Variants in FBXO10 observed in about 807,000 individuals in gnomAD.
The protein encoded by FBXO10 is F-box only protein 10.
FBXO10 carries 39 observed loss-of-function variants against 80.7 expected under a neutral mutation model. That is an observed-to-expected ratio of 0.48 (90% CI 0.37 to 0.63). The LOEUF (loss-of-function observed/expected upper bound fraction) is 0.63, where lower values mean the gene tolerates loss of function less well. FBXO10 is among the 30% of genes least tolerant of loss of function. FBXO10 has a pLI of 0.00. For missense variants in FBXO10, 1,025 were observed against 1,269.0 expected (o/e 0.81, Z 2.92); for synonymous variants, 449 against 489.6 (o/e 0.92, Z 1.09).
intron 1 of FBXO10, among the ~76,000 whole-genome samples, chr9:37,546,612 A>T (rs1158968982): frequency 6.6e-6 from 1 of 152,190 alleles, no homozygotes; most frequent in Non-Finnish European, 1.5e-5. Context: ...AGTTGCTGAT[A>T]GTTTAATAAG....
chr9:37,514,490 A>G (rs1438396491), intron 10 of FBXO10, among the ~76,000 whole-genome samples: 2 of 152,084 alleles, frequency 1.3e-5, no homozygotes, highest in Non-Finnish European at 2.9e-5. Flanking sequence ...TATTTTGGGG[A>G]TAGTTTATAA....
chr9:37,564,035 C>T (rs979930172), intron 1 of FBXO10, among the ~76,000 whole-genome samples: 1 of 152,240 alleles, frequency 6.6e-6, no homozygotes, highest in Non-Finnish European at 1.5e-5. Flanking sequence ...TGGGCCTGGG[C>T]CAGGCACAGG....
intron 1 of FBXO10, among the ~76,000 whole-genome samples, chr9:37,553,748 A>T (rs996211714): frequency 6.7e-5 from 7 of 103,750 alleles, no homozygotes; most frequent in Non-Finnish European, 1.3e-4. Flanking sequence ...TCTACTAAAA[A>T]TACAAAAAAA....
At chr9:37,552,095 C>T (rs7031794) in intron 1 of FBXO10, among the ~76,000 whole-genome samples, 84,337 of 152,100 alleles carry the variant, frequency 0.55, 24,379 homozygotes, top group African/African-American at 0.73. Context: ...ATCAGACTAG[C>T]CTTCACTGTT....
At chr9:37,533,477 C>A (rs1034833965) in intron 3 of FBXO10, among the ~76,000 whole-genome samples, 1 of 152,030 alleles carries the variant, frequency 6.6e-6, no homozygotes, top group Non-Finnish European at 1.5e-5. Flanking sequence ...ATCAGGGAGG[C>A]AGAGGTTGCA....
chr9:37,520,709 T>C lies in FBXO10; in HGVS notation c.2200+860A>G, dbSNP rs182433107. 3.5e-3 allele frequency among the ~76,000 whole-genome samples: 537 copies of C among 152,236 alleles called. 4 individuals carry two copies. Among genetic ancestry groups the C allele is most frequent in the African/African-American group, 0.012 (503 of 41,536 alleles). On this transcript the variant is annotated intron_variant, in intron 8 of 10. Coordinates refer to ENST00000432825, the MANE Select transcript of FBXO10 (RefSeq NM_012166.3). ...GGATAACATGGATTTAAAACACTTTTATTTTCTGCCTCTCTAAGAAGGAAA... is the reference window on the plus strand; with the variant it reads ...GGATAACATGGATTTAAAACACTTTCATTTTCTGCCTCTCTAAGAAGGAAA...
rs1821093607 is a variant in FBXO10 at position 37,512,733 on chromosome 9, A to G, written c.2697-12T>C. 1 of 1,610,850 alleles carries G rather than the reference A, an allele frequency of 6.2e-7. No individual in the cohort carries two copies. Among genetic ancestry groups the G allele is most frequent in the African/African-American group, 1.3e-5 (1 of 75,016 alleles). ...GCCACGTATCAGACCTGGAGGTGCA[A>G]AACGAAAGTCAGTGAACTTCTGAGG... On this transcript the variant is annotated splice_polypyrimidine_tract_variant and intron_variant, in intron 10 of 10. Transcript: ENST00000432825.
chr9:37,513,737 G>A (rs1256679684), intron 10 of FBXO10, among the ~76,000 whole-genome samples: 4 of 151,974 alleles, frequency 2.6e-5, no homozygotes, highest in African/African-American at 4.8e-5. Flanking sequence ...CTACAGTTGC[G>A]TGCCATGATG....
In FBXO10 at chr9:37,522,861, C is replaced by T. The variant is rs980669285; in HGVS notation, c.1894G>A (p.Glu632Lys). ...TTTCCTTCTATGAGGCCTTTGCCTT[C>T]GTCTCCCACAACCACACCATCTGAA... is the stretch of plus-strand genomic sequence containing the variant. ...GYSDGVVVGD[E>K]GKGLIEGNTI... The change falls in exon 7 of 11, where the codon GAA becomes AAA. Residue 632 changes from glutamate to lysine, a missense_variant. By Grantham distance (56) the Glu-to-Lys change is moderately conservative. Around this residue, in one of 3 missense-constraint regions of FBXO10, gnomAD observed 478 missense variants for 667.8 expected, o/e 0.72. Transcript: ENST00000432825. 2.6e-6 allele frequency: 4 copies of T among 1,553,942 alleles called. No homozygotes were observed. Among genetic ancestry groups the T allele is most frequent in the East Asian group, 2.4e-5 (1 of 41,030 alleles).
chr9:37,573,704 T>A (rs1822818910), intron 1 of FBXO10, among the ~76,000 whole-genome samples: 1 of 152,100 alleles, frequency 6.6e-6, no homozygotes, highest in Non-Finnish European at 1.5e-5. Context: ...GGGAGTCTAC[T>A]TAGAAAAAAA....
In FBXO10 at chr9:37,511,311, G is replaced by GGACTT. The variant is rs1821048177; in HGVS notation, c.*1231_*1235dup. 6.6e-6 allele frequency: 1 copy of GGACTT among 152,448 alleles called. No homozygotes were observed. The highest frequency in any genetic ancestry group is 2.4e-5 in the African/African-American group (1 of 41,436). The allele number at this position is 152,448 out of a possible 1,614,324, so 9.4% of individuals were successfully genotyped here. A position where few individuals can be genotyped will look rare whatever the true frequency, so the allele number is the denominator to read the frequency against. The stretch of plus-strand genomic sequence containing the variant: ...TGGGGTCTGACCTCACCTGGCTTTG[G>GGACTT]GACTTGGACATATTCACAGTACGGT... On this transcript the variant is annotated 3_prime_UTR_variant, in exon 11 of 11. Transcript: ENST00000432825.
chr9:37,569,465 C>CCCT (rs967787984), intron 1 of FBXO10, among the ~76,000 whole-genome samples: 22 of 146,350 alleles, frequency 1.5e-4, no homozygotes, highest in African/African-American at 5.2e-4. Context: ...TTAAACACAT[C>CCCT]CCTCTATAAT....
At chr9:37,565,701 G>C (rs1822586680) in intron 1 of FBXO10, among the ~76,000 whole-genome samples, 1 of 152,172 alleles carries the variant, frequency 6.6e-6, no homozygotes, top group Non-Finnish European at 1.5e-5. Flanking sequence ...GTGACAAATG[G>C]CTTGCCCCAA....
chr9:37,573,596 T>G (rs1822815109), intron 1 of FBXO10, among the ~76,000 whole-genome samples: 1 of 151,850 alleles, frequency 6.6e-6, no homozygotes, highest in Admixed American at 6.6e-5. Flanking sequence ...CTCTGGAGAG[T>G]GACAGTAAGA....
At chr9:37,559,170 G>A (rs1263380252) in intron 1 of FBXO10, among the ~76,000 whole-genome samples, 1 of 152,132 alleles carries the variant, frequency 6.6e-6, no homozygotes, top group African/African-American at 2.4e-5. Context: ...TTCTTTAATC[G>A]TGGCTCTTCA....
chr9:37,533,995 G>C (rs973316709), intron 3 of FBXO10, among the ~76,000 whole-genome samples: 3 of 152,078 alleles, frequency 2.0e-5, no homozygotes, highest in Admixed American at 6.6e-5. Context: ...AAGTGTGGGA[G>C]GATGTGTGCA....
chr9:37,575,272 G>A (rs764062908), intron 1 of FBXO10, among the ~76,000 whole-genome samples: 1 of 152,072 alleles, frequency 6.6e-6, no homozygotes, highest in Non-Finnish European at 1.5e-5. Flanking sequence ...TATGCCAATT[G>A]TAAAAGAGAA....
At chr9:37,521,521 G>A (rs1383373966) in intron 8 of FBXO10, 48 bp downstream of exon 8, 18 of 1,456,600 alleles carry the variant, frequency 1.2e-5, no homozygotes, top group South Asian at 1.6e-5. Flanking sequence ...AAAAGACAGT[G>A]GGGAGCCATG....
chr9:37,541,239 G>T lies in FBXO10; in HGVS notation c.530C>A (p.Thr177Lys). ...LASIDQHCST[T>K]RLCNLVFTPA... ...CGTGAAGACGAGGTTGCACAGGCGT[G>T]TGGTTGAGCAGTGCTGATCAATGCT... The change falls in exon 2 of 11, where the codon ACA (threonine) becomes AAA (lysine). Residue 177 changes from threonine (T) to lysine (K), a missense_variant. By Grantham distance (78) the Thr-to-Lys change is moderately conservative. Transcript: ENST00000432825. The T allele has an allele frequency of 6.2e-7, 1 of 1,613,660 alleles. No homozygotes were observed.
Sources: allele counts gnomAD v4.1 joint callset (sites outside exome capture counted in the v4.1 genomes callset), GRCh38; gene constraint gnomAD v4.1.1; regional missense constraint gnomAD v4.1.1; transcripts MANE v1.5; gene names NCBI Gene and HGNC (gene_info 2026-07-23, HGNC 2026-07-21).